Variants in ZMIZ1 observed in about 807,000 individuals in gnomAD.
ZMIZ1 encodes zinc finger MIZ-type containing 1, also known as zinc finger MIZ domain-containing protein 1.
Under a neutral mutation model 113.9 loss-of-function variants are expected in ZMIZ1, and 17 were observed. The ratio of observed to expected loss-of-function variants is 0.15; its 90% CI spans 0.10 to 0.22. The LOEUF is 0.22. Among genes scored for constraint, ZMIZ1 ranks in the 10% least tolerant of loss-of-function variants. The probability of loss-of-function intolerance (pLI) is 1.00; values close to 1 mark genes in which losing one functional copy is unlikely to be tolerated. For missense variants in ZMIZ1, 1,059 were observed against 1,477.8 expected (o/e 0.72, Z 4.65); for synonymous variants, 607 against 603.1 (o/e 1.01, Z -0.09).
At chr10:79,287,951 A>G (rs2132016725) in intron 8 of ZMIZ1, among the ~76,000 whole-genome samples, 1 of 152,362 alleles carries the variant, frequency 6.6e-6, no homozygotes, top group East Asian at 1.9e-4. Flanking sequence ...TTCCAGTGCC[A>G]GGGTGAGGGG....
intron 1 of ZMIZ1, among the ~76,000 whole-genome samples, chr10:79,116,081 TATAATCCCCCC>T (rs1402660475): frequency 6.6e-6 from 1 of 151,452 alleles, no homozygotes; most frequent in Non-Finnish European, 1.5e-5. Flanking sequence ...AAATGGGGAG[TATAATCCCCCC>T]GTAAGCCCTG....
intron 7 of ZMIZ1, among the ~76,000 whole-genome samples, chr10:79,242,935 A>T (rs1849931613): frequency 6.7e-6 from 1 of 150,216 alleles, no homozygotes; most frequent in Non-Finnish European, 1.5e-5. Flanking sequence ...GCTCCCTCGC[A>T]GCGAAGTGGC....
chr10:79,071,109 G>T (rs539745318), intron 1 of ZMIZ1, among the ~76,000 whole-genome samples: 1 of 152,190 alleles, frequency 6.6e-6, no homozygotes, highest in Admixed American at 6.5e-5. Flanking sequence ...GTAGGGCCCA[G>T]CCCCAAAGAT....
At chr10:79,228,120 A>G (rs561327580) in intron 7 of ZMIZ1, among the ~76,000 whole-genome samples, 165 of 152,338 alleles carry the variant, frequency 1.1e-3, no homozygotes, top group African/African-American at 3.9e-3. Flanking sequence ...AAATTATTCA[A>G]AGATTGGTAG....
intron 7 of ZMIZ1, among the ~76,000 whole-genome samples, chr10:79,276,396 A>T (rs1852292417): frequency 6.6e-6 from 1 of 152,104 alleles, no homozygotes; most frequent in Non-Finnish European, 1.5e-5. Flanking sequence ...AGTGAAAGAA[A>T]ATGGAAGTTT....
At chr10:79,256,817 C>T (rs1850935462) in intron 7 of ZMIZ1, among the ~76,000 whole-genome samples, 1 of 152,228 alleles carries the variant, frequency 6.6e-6, no homozygotes, top group Non-Finnish European at 1.5e-5. Context: ...GTCATAAGTG[C>T]TTTGGCATGC....
chr10:79,098,679 G>C (rs1048685405), intron 1 of ZMIZ1, among the ~76,000 whole-genome samples: 2 of 152,246 alleles, frequency 1.3e-5, no homozygotes, highest in African/African-American at 4.8e-5. Context: ...CCCAGAAGCA[G>C]AACTGAGATT....
At chr10:79,302,725 G>T (rs992131021) in intron 18 of ZMIZ1, among the ~76,000 whole-genome samples, 1 of 123,244 alleles carries the variant, frequency 8.1e-6, no homozygotes, top group Non-Finnish European at 1.6e-5. Context: ...AGAGAATGTC[G>T]CTCTGTTACC....
rs144963357 is a variant in ZMIZ1, at chr10:79,101,676, C to T, written c.-336-17239C>T. 3.4e-3 allele frequency among the ~76,000 whole-genome samples: 514 copies of T among 152,276 alleles called. 2 individuals carry two copies. Among genetic ancestry groups the T allele is most frequent in the South Asian group, 0.018 (87 of 4,822 alleles). Reference sequence around the variant, plus strand: ...GTAGGCAACTGGCACCTGCCTCCATCTGGGTGAACCAGGGCAGGGAGGGAG... The same window carrying T: ...GTAGGCAACTGGCACCTGCCTCCATTTGGGTGAACCAGGGCAGGGAGGGAG... On this transcript the variant is annotated intron_variant, in intron 1 of 24. Coordinates refer to ENST00000334512, the MANE Select transcript of ZMIZ1 (RefSeq NM_020338.4).
chr10:79,284,078 C>T (rs377577530), intron 8 of ZMIZ1, among the ~76,000 whole-genome samples: 33 of 152,340 alleles, frequency 2.2e-4, no homozygotes, highest in Non-Finnish European at 3.5e-4. Flanking sequence ...GCCCTCCCCC[C>T]GCGTTCCTTT....
Position 79,126,798 on chromosome 10 carries a change from C to T in ZMIZ1, c.-227+7774C>T, listed in dbSNP as rs77929508. On this transcript the variant is annotated intron_variant, in intron 2 of 24. Coordinates refer to ENST00000334512, the MANE Select transcript of ZMIZ1 (RefSeq NM_020338.4). The stretch of plus-strand genomic sequence containing the variant: ...AGGGAAGTGCCTCAGTGGAAGAGTC[C>T]GCTTCTGGAGGCTTTGAGCTGATGC... Among the ~76,000 whole-genome samples the T allele has an allele frequency of 1.3e-3, 203 of 152,290 alleles. 2 individuals carry two copies. The East Asian group carries it at 0.03, about 23-fold the overall frequency.
At chr10:79,130,072 T>G (rs1844689100) in intron 2 of ZMIZ1, among the ~76,000 whole-genome samples, 1 of 152,108 alleles carries the variant, frequency 6.6e-6, no homozygotes, top group Non-Finnish European at 1.5e-5. Context: ...CACCTCACTT[T>G]CCCTGACCCC....
At chr10:79,220,761 A>G (rs1462585404) in intron 7 of ZMIZ1, among the ~76,000 whole-genome samples, 1 of 151,630 alleles carries the variant, frequency 6.6e-6, no homozygotes, top group Non-Finnish European at 1.5e-5. Flanking sequence ...GTCTGTGTGT[A>G]TGGTGTGTGT....
intron 7 of ZMIZ1, chr10:79,243,806 G>T (rs990450709): frequency 5.5e-6 from 1 of 180,790 alleles, no homozygotes; most frequent in East Asian, 1.9e-4. Context: ...CCCTCCGGGC[G>T]CGGGGGTGAG....
At chr10:79,107,274 G>C (rs184284731) in intron 1 of ZMIZ1, among the ~76,000 whole-genome samples, 1 of 152,194 alleles carries the variant, frequency 6.6e-6, no homozygotes, top group African/African-American at 2.4e-5. Context: ...GTAGCCTAGC[G>C]GGTTAGACCT....
intron 7 of ZMIZ1, among the ~76,000 whole-genome samples, chr10:79,247,760 C>T (rs532008696): frequency 8.5e-5 from 13 of 152,198 alleles, no homozygotes; most frequent in Non-Finnish European, 1.9e-4. Flanking sequence ...CCCAAACCAC[C>T]CTGGAGAGTT....
intron 4 of ZMIZ1, among the ~76,000 whole-genome samples, chr10:79,200,228 C>T (rs1000057814): frequency 2.6e-5 from 4 of 152,340 alleles, no homozygotes; most frequent in African/African-American, 9.6e-5. Flanking sequence ...CAAGTGTCTG[C>T]AGCCTGAACT....
intron 8 of ZMIZ1, among the ~76,000 whole-genome samples, chr10:79,284,004 A>G (rs948836017): frequency 3.3e-5 from 5 of 152,216 alleles, no homozygotes; most frequent in African/African-American, 1.2e-4. Context: ...AATACCCTTA[A>G]TGGAAATTGG....
At position 79,238,239 on chromosome 10, in the gene ZMIZ1, G is replaced by C. The variant is rs559592373; in HGVS notation, c.280+21965G>C. ...CTTGCCCTTGTAGAACTTCTCGGAGGTACTGAGTGGAGGTGTGGGGCACCG... is the reference window on the plus strand; with the variant it reads ...CTTGCCCTTGTAGAACTTCTCGGAGCTACTGAGTGGAGGTGTGGGGCACCG... On this transcript the variant is annotated intron_variant, in intron 7 of 24. Coordinates refer to ENST00000334512, the MANE Select transcript of ZMIZ1 (RefSeq NM_020338.4). Among the ~76,000 whole-genome samples the C allele has an allele frequency of 5.8e-4, 89 of 152,316 alleles. 1 individual carries two copies. Among genetic ancestry groups the C allele is most frequent in the Non-Finnish European group, 9.4e-4 (64 of 68,020 alleles).
Sources: allele counts gnomAD v4.1 joint callset (sites outside exome capture counted in the v4.1 genomes callset), GRCh38; gene constraint gnomAD v4.1.1; transcripts MANE v1.5; gene names NCBI Gene and HGNC (gene_info 2026-07-23, HGNC 2026-07-21).